The following HSF2 variants were observed in gnomAD, a reference collection of about 807,000 sequenced individuals.
HSF2 encodes the protein heat shock transcription factor 2.
In HSF2, 21 loss-of-function variants were observed where a neutral mutation model predicts 65.0. The observed-to-expected ratio is 0.32, with a 90% CI of 0.23 to 0.47. The LOEUF (loss-of-function observed/expected upper bound fraction) is 0.47. HSF2 is among the 20% of genes least tolerant of loss of function. HSF2 has a pLI of 1.00. For synonymous variants in HSF2, 225 were observed against 219.1 expected, an observed-to-expected ratio of 1.03 and a Z score of -0.24; for missense variants, 499 against 628.1, an observed-to-expected ratio of 0.79 and a Z score of 2.20.
At position 122,399,681 on chromosome 6, in the gene HSF2, G is replaced by T. The variant is rs754331795; in HGVS notation, c.-57G>T. On this transcript the variant is annotated 5_prime_UTR_variant, in exon 1 of 13. Transcript: ENST00000368455. Reference sequence around the variant, plus strand: ...TCGGGGAGCTGCTGCCGTAGCTGCCGCCGCCGCTACCACCGCGTTCGGGTG... The same window carrying T: ...TCGGGGAGCTGCTGCCGTAGCTGCCTCCGCCGCTACCACCGCGTTCGGGTG... 1.4e-4 allele frequency: 209 copies of T among 1,480,902 alleles called. No individual in the cohort carries two copies. The highest frequency in any genetic ancestry group is 1.9e-4 in the Non-Finnish European group (201 of 1,070,626). The allele number at this position is 1,480,902 out of a possible 1,614,324, so 91.7% of individuals were successfully genotyped here. A position where few individuals can be genotyped will look rare whatever the true frequency, so the allele number is the denominator to read the frequency against.
intron 1 of HSF2, among the ~76,000 whole-genome samples, chr6:122,409,277 G>T (rs753833252): frequency 4.6e-5 from 7 of 151,990 alleles, no homozygotes; most frequent in African/African-American, 1.7e-4. Flanking sequence ...GAGATTGTTA[G>T]TTGTACCAAA....
rs182272378 is a variant in HSF2, at chr6:122,424,843, C to T, written c.1176+1157C>T. 1.4e-4 allele frequency among the ~76,000 whole-genome samples: 22 copies of T among 152,060 alleles called. No individual in the cohort carries two copies. In the East Asian group the frequency reaches 3.3e-3, roughly 23 times the overall value. ...CGAAATAAAATTCTATAATTCTGGC[C>T]ATGTTCAAATCCTTACAGTCTTCAG... On this transcript the variant is annotated intron_variant, in intron 10 of 12. Transcript: ENST00000368455.
intron 10 of HSF2, among the ~76,000 whole-genome samples, chr6:122,425,259 A>T (rs45437198): frequency 0.012 from 1,798 of 152,076 alleles, 40 homozygotes; most frequent in African/African-American, 0.042. Context: ...TTTTGTCTGA[A>T]GCTTTGTATT....
intron 11 of HSF2, among the ~76,000 whole-genome samples, chr6:122,428,706 ATTCTTT>A (rs1774391499): frequency 2.0e-5 from 3 of 152,098 alleles, no homozygotes; most frequent in South Asian, 2.1e-4. Context: ...TTTTATTTTG[ATTCTTT>A]TTCTTTATAG....
intron 1 of HSF2, among the ~76,000 whole-genome samples, chr6:122,400,066 C>G (rs922216407): frequency 2.0e-5 from 3 of 152,064 alleles, no homozygotes; most frequent in African/African-American, 7.2e-5. Flanking sequence ...GCGGCCCGCG[C>G]GGGGCGTAGC....
chr6:122,420,807 GC>G (rs1310662965), intron 7 of HSF2, among the ~76,000 whole-genome samples: 3 of 143,646 alleles, frequency 2.1e-5, no homozygotes, highest in African/African-American at 7.7e-5. Context: ...CACCTCCTGG[GC>G]CCAGGCAATT....
intron 10 of HSF2, among the ~76,000 whole-genome samples, chr6:122,424,468 C>T (rs1489031880): frequency 2.0e-5 from 3 of 152,002 alleles, no homozygotes; most frequent in African/African-American, 4.8e-5. Flanking sequence ...TTACAAGCCT[C>T]TCAGGCTAAA....
chr6:122,431,505 TC>T lies in HSF2; in HGVS notation c.1308del (p.Lys437AsnfsTer41). On this transcript the variant is annotated frameshift_variant, in exon 12 of 13. Coordinates refer to ENST00000368455, the MANE Select transcript of HSF2 (RefSeq NM_004506.4). LOFTEE classifies it high-confidence loss of function. ...PVSEEGRKSK[S>X]KPDKQLIQYT... ...TTCGGAAGAGGGAAGAAAATCTAAA[TC>T]CAAACCAGGTAGGTATAAATATAGT... 1 of 1,570,360 alleles carries T rather than the reference TC, an allele frequency of 6.4e-7. No individual in the cohort carries two copies. Among genetic ancestry groups the T allele is most frequent in the Non-Finnish European group, 8.7e-7 (1 of 1,144,536 alleles).
chr6:122,406,792 G>A (rs529313718), intron 1 of HSF2, among the ~76,000 whole-genome samples: 1 of 152,194 alleles, frequency 6.6e-6, no homozygotes, highest in East Asian at 1.9e-4. Flanking sequence ...GAAACAACTT[G>A]AAAATTGTTT....
chr6:122,431,368 T>C (rs1268573982), intron 11 of HSF2, 62 bp from the exon 12 acceptor site: 4 of 732,242 alleles, frequency 5.5e-6, no homozygotes, highest in Non-Finnish European at 8.3e-6. Context: ...TATCAATTTT[T>C]CATTTTTTTC....
intron 1 of HSF2, among the ~76,000 whole-genome samples, chr6:122,406,284 A>T (rs1224485747): frequency 6.6e-6 from 1 of 152,172 alleles, no homozygotes; most frequent in African/African-American, 2.4e-5. Flanking sequence ...CAAGGAGACG[A>T]TGTTTGAGGA....
intron 4 of HSF2, 140 bp from the exon 5 acceptor site, chr6:122,416,081 C>A: frequency 1.8e-6 from 1 of 557,710 alleles, no homozygotes; most frequent in Non-Finnish European, 3.2e-6. Flanking sequence ...GTAATTGAAC[C>A]AAAGTTTTCT....
Position 122,399,673 on chromosome 6 carries a change from T to TAGCTGCCGC in HSF2, c.-64_-56dup, listed in dbSNP as rs1186587173. ...GGGCGTTCTCGGGGAGCTGCTGCCGTAGCTGCCGCCGCCGCTACCACCGCG... is the reference window on the plus strand; with the variant it reads ...GGGCGTTCTCGGGGAGCTGCTGCCGTAGCTGCCGCAGCTGCCGCCGCCGCTACCACCGCG... On this transcript the variant is annotated 5_prime_UTR_variant, in exon 1 of 13. Transcript: ENST00000368455. 3.9e-5 allele frequency: 54 copies of TAGCTGCCGC among 1,393,670 alleles called. No individual in the cohort carries two copies. In the African/African-American group the frequency reaches 7.2e-4, roughly 19 times the overall value. The allele number at this position is 1,393,670 out of a possible 1,614,324, so 86.3% of individuals were successfully genotyped here. A position where few individuals can be genotyped will look rare whatever the true frequency, so the allele number is the denominator to read the frequency against.
chr6:122,428,702 T>G (rs1255640093), intron 11 of HSF2, among the ~76,000 whole-genome samples: 2 of 152,012 alleles, frequency 1.3e-5, no homozygotes, highest in African/African-American at 4.8e-5. Context: ...AGAATTTTAT[T>G]TTGATTCTTT....
chr6:122,422,565 G>C (rs1774260465), intron 8 of HSF2, among the ~76,000 whole-genome samples, 153 bp from the exon 9 acceptor site: 1 of 152,144 alleles, frequency 6.6e-6, no homozygotes, highest in South Asian at 2.1e-4. Flanking sequence ...TCTATACTAT[G>C]AAGTACCAAT....
chr6:122,418,333 C>G (rs1582615013), intron 5 of HSF2, among the ~76,000 whole-genome samples: 1 of 152,122 alleles, frequency 6.6e-6, no homozygotes, highest in Non-Finnish European at 1.5e-5. Flanking sequence ...AAAGGGTTTT[C>G]TAAACATACT....
chr6:122,411,959 A>G (rs924760271), intron 1 of HSF2, among the ~76,000 whole-genome samples: 2 of 151,944 alleles, frequency 1.3e-5, no homozygotes, highest in African/African-American at 4.8e-5. Flanking sequence ...TATGTCTACT[A>G]TGTCTACTGC....
At position 122,401,606 on chromosome 6, in the gene HSF2, C is replaced by G. The variant is rs1043923433; in HGVS notation, c.93+1776C>G. On this transcript the variant is annotated intron_variant, in intron 1 of 12. Transcript: ENST00000368455. ...TTCTATGAGTTCTAAGCCAAATAAACAAGCCACTTAACCATTTTTTAATCC... is the reference window on the plus strand; with the variant it reads ...TTCTATGAGTTCTAAGCCAAATAAAGAAGCCACTTAACCATTTTTTAATCC... Among the ~76,000 whole-genome samples, 7 of 152,162 alleles carry G rather than the reference C, an allele frequency of 4.6e-5. No individual in the cohort carries two copies. In the East Asian group the frequency reaches 1.3e-3, roughly 29 times the overall value.
chr6:122,404,424 A>T (rs1247495882), intron 1 of HSF2, among the ~76,000 whole-genome samples: 1 of 152,192 alleles, frequency 6.6e-6, no homozygotes, highest in African/African-American at 2.4e-5. Flanking sequence ...AAGTATTTTT[A>T]TTTGTATATA....
Sources: gnomAD v4.1 joint callset for allele counts (sites outside exome capture counted in the v4.1 genomes callset) on GRCh38, gnomAD v4.1.1 for gene constraint, MANE v1.5 for transcripts, NCBI Gene and HGNC (gene_info 2026-07-23, HGNC 2026-07-21) for gene names.